FAM107A: variants seen among roughly 807,000 people sequenced by gnomAD.
FAM107A encodes the protein actin-associated protein FAM107A.
In FAM107A, 19 loss-of-function variants were observed where a neutral mutation model predicts 13.7. The ratio of observed to expected loss-of-function variants is 1.38; its 90% CI spans 0.97 to 2.03. The LOEUF (loss-of-function observed/expected upper bound fraction) is 2.03, where lower values mean the gene tolerates loss of function less well. Ranked by LOEUF, FAM107A falls within the 30% of genes most tolerant of loss-of-function variation. The pLI is 0.00. For missense variants in FAM107A, 203 were observed against 184.4 expected, an observed-to-expected ratio of 1.10 and a Z score of -0.58; for synonymous variants, 82 against 74.5, an observed-to-expected ratio of 1.10 and a Z score of -0.52.
upstream of FAM107A, chr3:58,589,271 T>G: frequency 6.5e-7 from 1 of 1,531,414 alleles, no homozygotes; most frequent in Non-Finnish European, 8.8e-7. Flanking sequence ...GTATGTTTTC[T>G]GTAAACAGAA....
chr3:58,606,604 C>A (rs75715983), intron 1 of FAM107A, among the ~76,000 whole-genome samples: 8 of 152,316 alleles, frequency 5.3e-5, no homozygotes, highest in African/African-American at 1.7e-4. Flanking sequence ...TACAAGAGGC[C>A]CTGCAGGAGA....
rs1388827784 is a variant in FAM107A, at chr3:58,564,896, CT to C, written c.*1691del. On this transcript the variant is annotated 3_prime_UTR_variant, in exon 4 of 4. Transcript: ENST00000360997. This position sits in a 1 kb window ranked among gnomAD's most constrained non-coding sequence, Gnocchi z 5.6. ...AGGCGCAATATCTGCATTTACAGCC[CT>C]GTGCTGGCAGCACACACAGGAAAAG... The C allele has an allele frequency of 1.3e-5, 2 of 152,320 alleles. No individual in the cohort carries two copies. Among genetic ancestry groups the C allele is most frequent in the Admixed American group, 6.5e-5 (1 of 15,290 alleles). The allele number at this position is 152,320 out of a possible 1,614,324, so 9.4% of individuals were successfully genotyped here. A position where few individuals can be genotyped will look rare whatever the true frequency, so the allele number is the denominator to read the frequency against.
intron 1 of FAM107A, chr3:58,626,979 C>G: frequency 6.5e-7 from 1 of 1,536,004 alleles, no homozygotes; most frequent in Non-Finnish European, 8.7e-7. Context: ...ACCTTCTTCC[C>G]CTGGGCTGCT....
At chr3:58,595,606 T>C (rs1360494762) in intron 1 of FAM107A, among the ~76,000 whole-genome samples, 1 of 152,096 alleles carries the variant, frequency 6.6e-6, no homozygotes, top group Non-Finnish European at 1.5e-5. Flanking sequence ...ATCCCAAACC[T>C]ATAAGAACTA....
intron 1 of FAM107A, among the ~76,000 whole-genome samples, chr3:58,601,493 A>G (rs537642154): frequency 6.6e-4 from 101 of 152,366 alleles, no homozygotes; most frequent in African/African-American, 2.4e-3. Flanking sequence ...TACTGTTTGC[A>G]CAATGTTTCA....
chr3:58,592,539 A>G (rs1416453795), intron 1 of FAM107A, among the ~76,000 whole-genome samples: 1 of 152,172 alleles, frequency 6.6e-6, no homozygotes, highest in Non-Finnish European at 1.5e-5. Flanking sequence ...CTTCTCTCAG[A>G]CATAATTCCT....
intron 1 of FAM107A, among the ~76,000 whole-genome samples, chr3:58,601,069 T>A (rs539846840): frequency 6.6e-6 from 1 of 152,350 alleles, no homozygotes; most frequent in African/African-American, 2.4e-5. Flanking sequence ...GCCTGGCACA[T>A]AATTGGTACT....
intron 1 of FAM107A, among the ~76,000 whole-genome samples, chr3:58,571,148 G>A (rs922219213): frequency 1.1e-4 from 16 of 152,180 alleles, no homozygotes; most frequent in African/African-American, 2.9e-4. Flanking sequence ...GGGGTTTGAC[G>A]GGGTGCACGT....
intron 1 of FAM107A, among the ~76,000 whole-genome samples, chr3:58,576,442 T>C (rs1166627670): frequency 1.3e-5 from 2 of 152,248 alleles, no homozygotes; most frequent in East Asian, 3.8e-4. Context: ...GGCTCATTAG[T>C]GGCATGATGT....
In FAM107A at chr3:58,613,985, G is replaced by A. The variant is rs1340016385; in HGVS notation, c.-70+13431C>T. 6.6e-6 allele frequency among the ~76,000 whole-genome samples: 1 copy of A among 152,234 alleles called. No individual in the cohort carries two copies. Among genetic ancestry groups the A allele is most frequent in the African/African-American group, 2.4e-5 (1 of 41,462 alleles). On this transcript the variant is annotated intron_variant, in intron 1 of 3. Coordinates refer to the FAM107A transcript ENST00000465970. This position sits in a 1 kb window ranked among gnomAD's most constrained non-coding sequence, Gnocchi z 4.6. Reference sequence around the variant, plus strand: ...GGACCGGATCAGCATCAGTCACTAGGGGAAGTCAGTCTCTCTCTAGTATTC... The same window carrying A: ...GGACCGGATCAGCATCAGTCACTAGAGGAAGTCAGTCTCTCTCTAGTATTC...
At chr3:58,593,452 T>C (rs961412838) in intron 1 of FAM107A, among the ~76,000 whole-genome samples, 4 of 152,184 alleles carry the variant, frequency 2.6e-5, no homozygotes, top group African/African-American at 9.7e-5. Flanking sequence ...GTTTACACTT[T>C]TCCTCCAAAC....
chr3:58,625,207 C>A (rs1009167970), intron 1 of FAM107A, among the ~76,000 whole-genome samples: 1 of 152,198 alleles, frequency 6.6e-6, no homozygotes, highest in Non-Finnish European at 1.5e-5. Context: ...TCTTGAAAAC[C>A]GGGTTTCTGG....
chr3:58,622,771 G>C (rs963151824), intron 1 of FAM107A, among the ~76,000 whole-genome samples: 39 of 152,216 alleles, frequency 2.6e-4, no homozygotes, highest in African/African-American at 8.9e-4. Flanking sequence ...TGGGCAGGAG[G>C]GGGGCTCTGC....
intron 1 of FAM107A, among the ~76,000 whole-genome samples, chr3:58,585,714 A>G (rs2065598726): frequency 6.6e-6 from 1 of 152,140 alleles, no homozygotes; most frequent in Non-Finnish European, 1.5e-5. Flanking sequence ...ACAGTGCAGG[A>G]CCCCAGCACG....
At chr3:58,596,997 T>C (rs1382735232) in intron 1 of FAM107A, among the ~76,000 whole-genome samples, 1 of 152,226 alleles carries the variant, frequency 6.6e-6, no homozygotes, top group Non-Finnish European at 1.5e-5. Flanking sequence ...GTGTTTGAGA[T>C]TCATCAGTGT....
chr3:58,577,516 T>C (rs1288068402), upstream of FAM107A: 5 of 985,220 alleles, frequency 5.1e-6, no homozygotes, highest in Non-Finnish European at 6.0e-6. This position sits in a 1 kb window ranked among gnomAD's most constrained non-coding sequence, Gnocchi z 4.9. Context: ...ACTGTTACTA[T>C]AGTAACAGAT....
At chr3:58,586,935 A>C (rs949315719) in exon 1 of FAM107A, 6 of 1,529,068 alleles carry the variant, frequency 3.9e-6, no homozygotes, top group Non-Finnish European at 4.4e-6. Context: ...CCTCTGCGCC[A>C]TGCCCCCGCG....
chr3:58,606,178 C>G (rs528679307), intron 1 of FAM107A, among the ~76,000 whole-genome samples: 2 of 152,198 alleles, frequency 1.3e-5, no homozygotes, highest in African/African-American at 4.8e-5. Flanking sequence ...TCACTACAAC[C>G]TCTGTCTCCC....
chr3:58,577,915 A>G (rs988612516), upstream of FAM107A, among the ~76,000 whole-genome samples: 1 of 152,270 alleles, frequency 6.6e-6, no homozygotes, highest in South Asian at 2.1e-4. The surrounding 1 kb of genome is among the most constrained non-coding windows in gnomAD (Gnocchi z 4.9). Context: ...CTTGAATGTC[A>G]TTGGAACTTC....
Sources: gnomAD v4.1 joint callset for allele counts (sites outside exome capture counted in the v4.1 genomes callset) on GRCh38, gnomAD v4.1.1 for gene constraint, Gnocchi (gnomAD v3.1) non-coding constraint, MANE v1.5 for transcripts, NCBI Gene and HGNC (gene_info 2026-07-23, HGNC 2026-07-21) for gene names.